GPHN: variants seen among roughly 807,000 people sequenced by gnomAD.
The protein encoded by GPHN is gephyrin.
GPHN carries 17 observed loss-of-function variants against 95.5 expected under a neutral mutation model. The observed-to-expected ratio is 0.18, with a 90% CI of 0.12 to 0.27. The LOEUF (loss-of-function observed/expected upper bound fraction) is 0.27. Ranked by LOEUF, GPHN falls within the 10% of genes least tolerant of loss-of-function variation. The pLI is 1.00. For synonymous variants in GPHN, 320 were observed against 322.5 expected (o/e 0.99, Z 0.08); for missense variants, 660 against 978.1 (o/e 0.67, Z 4.34).
intron 1 of GPHN, among the ~76,000 whole-genome samples, chr14:66,675,176 G>A (rs753670478): frequency 1.6e-5 from 2 of 126,418 alleles, no homozygotes; most frequent in Non-Finnish European, 3.1e-5. Flanking sequence ...GGAGTTTTAC[G>A]CTTGTTGCCC....
intron 5 of GPHN, among the ~76,000 whole-genome samples, chr14:66,914,347 C>T (rs2153557359): frequency 6.6e-6 from 1 of 152,116 alleles, no homozygotes; most frequent in East Asian, 1.9e-4. Context: ...AAATAAAATC[C>T]AACACATTTC....
chr14:67,070,650 C>A lies in GPHN; in HGVS notation c.1144+11864C>A, dbSNP rs567100619. Among the ~76,000 whole-genome samples the A allele has an allele frequency of 6.7e-5, 9 of 134,636 alleles. No homozygotes were observed. In the East Asian group the frequency reaches 2.0e-3, roughly 30 times the overall value. 88.3% of individuals were successfully genotyped at this position (134,636 alleles called of 152,430 possible). A position where few individuals can be genotyped will look rare whatever the true frequency, so the allele number is the denominator to read the frequency against. On this transcript the variant is annotated intron_variant, in intron 11 of 22. Transcript: ENST00000478722. The stretch of plus-strand genomic sequence containing the variant: ...GGTGGAGGTTGTAGTGAGCTGAGAT[C>A]GTGCCATTGTACTCTAGCCTAGTGA...
At chr14:66,585,898 A>G (rs1007778917) in intron 1 of GPHN, among the ~76,000 whole-genome samples, 14 of 152,246 alleles carry the variant, frequency 9.2e-5, no homozygotes, top group African/African-American at 3.4e-4. Context: ...GTAGATGTCT[A>G]TTAGGTCTGC....
intron 1 of GPHN, among the ~76,000 whole-genome samples, chr14:66,543,635 C>G (rs1225682713): frequency 6.6e-6 from 1 of 152,206 alleles, no homozygotes; most frequent in Non-Finnish European, 1.5e-5. Context: ...CTAACACTTG[C>G]TCTTCCTAGA....
chr14:66,920,902 T>C (rs182196988), intron 6 of GPHN, among the ~76,000 whole-genome samples: 1 of 152,312 alleles, frequency 6.6e-6, no homozygotes, highest in Admixed American at 6.5e-5. Context: ...TGTAATCTCA[T>C]CCAGGTCATT....
intron 1 of GPHN, among the ~76,000 whole-genome samples, chr14:66,623,617 C>CAAAA (rs57810648): frequency 9.8e-5 from 9 of 91,528 alleles, no homozygotes; most frequent in Non-Finnish European, 2.0e-4. Context: ...GACTCTGTTT[C>CAAAA]AAAAAAAAAA....
the GPHN span, among the ~76,000 whole-genome samples, chr14:67,566,002 C>T: frequency 2.0e-5 from 3 of 152,122 alleles, no homozygotes; most frequent in African/African-American, 7.2e-5. Flanking sequence ...CGCCTATAGT[C>T]TGGCTGCTCG....
chr14:67,450,606 T>C, the GPHN span, among the ~76,000 whole-genome samples: 1 of 152,120 alleles, frequency 6.6e-6, no homozygotes, highest in Non-Finnish European at 1.5e-5. Context: ...GCCCTAGAGA[T>C]TTGTGGAACT....
chr14:67,215,572 C>T, the GPHN span, among the ~76,000 whole-genome samples: 4,735 of 151,874 alleles, frequency 0.031, 87 homozygotes, highest in Non-Finnish European at 0.036. Flanking sequence ...AAAACAGAAA[C>T]CAATAGTCAG....
chr14:66,946,925 G>C (rs1214933668), intron 8 of GPHN, among the ~76,000 whole-genome samples: 1 of 152,062 alleles, frequency 6.6e-6, no homozygotes, highest in Non-Finnish European at 1.5e-5. Context: ...TTCAGTGGCT[G>C]GTCTCATCAT....
rs1340265042 is a variant in GPHN at position 66,880,444 on chromosome 14, C to G, written c.389+411C>G. 2.0e-5 allele frequency among the ~76,000 whole-genome samples: 3 copies of G among 151,816 alleles called. No homozygotes were observed. The East Asian group carries it at 5.8e-4, about 29-fold the overall frequency. The stretch of plus-strand genomic sequence containing the variant: ...CTGGTAAAAGTTATCAATTCCTAAC[C>G]CAGAGAATCCAGTTTATTACTATGT... On this transcript the variant is annotated intron_variant, in intron 5 of 22. Coordinates refer to ENST00000478722, the MANE Select transcript of GPHN (RefSeq NM_020806.5).
the GPHN span, among the ~76,000 whole-genome samples, chr14:67,362,115 G>A: frequency 6.6e-6 from 1 of 151,058 alleles, no homozygotes; most frequent in Non-Finnish European, 1.5e-5. Context: ...TCTGCCCCTG[G>A]GTTCAAGGGA....
At chr14:66,620,176 G>A (rs754755736) in intron 1 of GPHN, among the ~76,000 whole-genome samples, 1 of 152,154 alleles carries the variant, frequency 6.6e-6, no homozygotes, top group Non-Finnish European at 1.5e-5. Context: ...TCCTGACAGT[G>A]TGGTAATAAG....
chr14:66,716,637 A>G (rs6573714), intron 2 of GPHN, among the ~76,000 whole-genome samples: 49,835 of 151,992 alleles, frequency 0.33, 11,983 homozygotes, highest in African/African-American at 0.66. Flanking sequence ...GCTTTAAATA[A>G]GTTCTGTTTT....
At chr14:67,093,811 A>G (rs1318073226) in intron 12 of GPHN, among the ~76,000 whole-genome samples, 2 of 152,024 alleles carry the variant, frequency 1.3e-5, no homozygotes, top group Non-Finnish European at 2.9e-5. Context: ...GCAAGTATGA[A>G]TCCTCTTATT....
chr14:67,141,886 G>T (rs1276129632), intron 17 of GPHN, among the ~76,000 whole-genome samples: 2 of 152,174 alleles, frequency 1.3e-5, no homozygotes, highest in Non-Finnish European at 2.9e-5. Flanking sequence ...GTGCATTAAG[G>T]TAAGGGGGCA....
intron 1 of GPHN, among the ~76,000 whole-genome samples, chr14:66,655,556 T>A (rs2065257288): frequency 6.6e-6 from 1 of 152,144 alleles, no homozygotes; most frequent in African/African-American, 2.4e-5. Context: ...AGGGACAGTT[T>A]ATCTCCTTCT....
chr14:67,684,233 T>TA, the GPHN span, among the ~76,000 whole-genome samples: 1 of 152,202 alleles, frequency 6.6e-6, no homozygotes, highest in African/African-American at 2.4e-5. Flanking sequence ...TTTCCAATCT[T>TA]AATGCTATTT....
At chr14:67,488,840 T>G in the GPHN span, 1 of 152,202 alleles carries the variant, frequency 6.6e-6, no homozygotes, top group Non-Finnish European at 1.5e-5. Flanking sequence ...GCCCCAGCAC[T>G]CAGAAAGGCT....
Sources: gnomAD v4.1 joint callset for allele counts (sites outside exome capture counted in the v4.1 genomes callset) on GRCh38, gnomAD v4.1.1 for gene constraint, MANE v1.5 for transcripts, NCBI Gene and HGNC (gene_info 2026-07-23, HGNC 2026-07-21) for gene names.